The following ATG7 variants were observed in gnomAD, a reference collection of about 807,000 sequenced individuals.
The protein encoded by ATG7 is autophagy related 7.
In ATG7, 70 loss-of-function variants were observed where a neutral mutation model predicts 82.4. The observed-to-expected ratio is 0.85, with a 90% confidence interval of 0.70 to 1.04. ATG7 has a LOEUF of 1.04. Ranked by LOEUF, ATG7 falls within the 50% of genes least tolerant of loss-of-function variation. The pLI is 0.00. For synonymous variants in ATG7, 287 were observed against 313.0 expected, an observed-to-expected ratio of 0.92 and a Z score of 0.88; for missense variants, 792 against 864.3, an observed-to-expected ratio of 0.92 and a Z score of 1.05.
chr3:11,426,988 C>T, intron 20 of ATG7, 62 bp downstream of exon 20: 2 of 1,472,196 alleles, frequency 1.4e-6, no homozygotes, highest in Non-Finnish European at 1.8e-6. Flanking sequence ...TTGATATTCG[C>T]CATATGGAAA....
intron 20 of ATG7, among the ~76,000 whole-genome samples, chr3:11,442,739 CAAAAAAAA>C (rs57073881): frequency 7.0e-3 from 481 of 69,170 alleles, no homozygotes; most frequent in African/African-American, 0.024. Flanking sequence ...TCCATCTCTA[CAAAAAAAA>C]AAAAAAAAAA....
intron 18 of ATG7, among the ~76,000 whole-genome samples, chr3:11,375,313 C>A (rs1219571196): frequency 6.6e-6 from 1 of 152,076 alleles, no homozygotes; most frequent in Non-Finnish European, 1.5e-5. Flanking sequence ...TACAATACAG[C>A]AATTTAAAAA....
intron 19 of ATG7, among the ~76,000 whole-genome samples, chr3:11,388,171 C>T (rs953120771): frequency 2.6e-5 from 4 of 152,190 alleles, no homozygotes; most frequent in Middle Eastern, 3.4e-3. Flanking sequence ...TGACCATCTA[C>T]CTCTGGGGAC....
At chr3:11,272,599 C>T (rs1226022933) in intron 1 of ATG7, 169 bp downstream of exon 1, 1 of 152,402 alleles carries the variant, frequency 6.6e-6, no homozygotes, top group Non-Finnish European at 1.5e-5. Context: ...CTCACTGATT[C>T]CGGCTGGCGC....
intron 18 of ATG7, among the ~76,000 whole-genome samples, chr3:11,365,561 G>C (rs2076546733): frequency 6.6e-6 from 1 of 152,120 alleles, no homozygotes; most frequent in South Asian, 2.1e-4. Context: ...TGTGACTGCT[G>C]TTCCCATCAG....
At chr3:11,451,139 T>C (rs2085078838) in intron 20 of ATG7, among the ~76,000 whole-genome samples, 1 of 152,034 alleles carries the variant, frequency 6.6e-6, no homozygotes. Flanking sequence ...TTTGGAATCT[T>C]TACCAAGGAG....
chr3:11,282,775 C>T (rs1370885029), intron 3 of ATG7, among the ~76,000 whole-genome samples: 1 of 152,168 alleles, frequency 6.6e-6, no homozygotes, highest in African/African-American at 2.4e-5. Context: ...CAGATTGTTT[C>T]TGAAACTCAT....
chr3:11,540,562 G>C lies in ATG7; in HGVS notation c.2080-14249G>C, dbSNP rs141155261. 2.0e-4 allele frequency among the ~76,000 whole-genome samples: 31 copies of C among 152,034 alleles called. 1 individual carries two copies. Among genetic ancestry groups the C allele is most frequent in the African/African-American group, 7.2e-4 (30 of 41,480 alleles). On this transcript the variant is annotated intron_variant, in intron 20 of 20. Transcript: ENST00000693202. ...AGGCTGAGGTGGGAGGATCCCTTGA[G>C]ACCAAGAGGTGAAGGCTGCAGTGAG...
chr3:11,306,977 A>G lies in ATG7; in HGVS notation c.250A>G (p.Ile84Val), dbSNP rs374142073. ...APTPARCCPA[I>V]GTLYNTNTLE... ...CACCCCAGCCCGTTGCTGCCCAGCT[A>G]TTGGAACACTGTATAACACCAACAC... Residue 84 changes from isoleucine (I) to valine (V), a missense_variant, in exon 6 of 21, where the codon ATT (isoleucine) becomes GTT (valine). Transcript: ENST00000693202. 1.9e-5 allele frequency: 30 copies of G among 1,613,838 alleles called. No individual in the cohort carries two copies. The highest frequency in any genetic ancestry group is 2.7e-5 in the African/African-American group (2 of 74,852).
chr3:11,514,894 GC>G (rs1182458967), intron 20 of ATG7, among the ~76,000 whole-genome samples: 1 of 149,486 alleles, frequency 6.7e-6, no homozygotes, highest in African/African-American at 2.5e-5. Flanking sequence ...AGGCTGGAGT[GC>G]AGTGGCATGA....
chr3:11,373,468 A>G (rs1440369376), intron 18 of ATG7, among the ~76,000 whole-genome samples: 1 of 152,218 alleles, frequency 6.6e-6, no homozygotes, highest in Non-Finnish European at 1.5e-5. Context: ...TGCTTGCCTG[A>G]TGGGAACCAC....
chr3:11,346,936 C>T (rs984983115), intron 13 of ATG7, among the ~76,000 whole-genome samples: 1 of 152,188 alleles, frequency 6.6e-6, no homozygotes, highest in Non-Finnish European at 1.5e-5. Context: ...ATCTCTGAAA[C>T]CTTCAATCTA....
Position 11,342,132 on chromosome 3 carries a change from T to A in ATG7, c.981-3T>A. On this transcript the variant is annotated splice_region_variant and splice_polypyrimidine_tract_variant and intron_variant, in intron 12 of 20. Transcript: ENST00000693202. The stretch of plus-strand genomic sequence containing the variant: ...CTGAATAAGTAAATCTCTCCTTTTC[T>A]AGGTTAGCTGAGTCATCAGTGGATC... 1 of 1,610,076 alleles carries A rather than the reference T, an allele frequency of 6.2e-7. No homozygotes were observed. The highest frequency in any genetic ancestry group is 8.5e-7 in the Non-Finnish European group (1 of 1,179,066).
intron 12 of ATG7, among the ~76,000 whole-genome samples, chr3:11,341,161 A>C (rs1262150152): frequency 6.6e-6 from 1 of 150,570 alleles, no homozygotes; most frequent in East Asian, 2.0e-4. Context: ...TCCTGGGTTC[A>C]AGTGATTCTC....
At chr3:11,516,348 TAAAA>T (rs879878981) in intron 20 of ATG7, among the ~76,000 whole-genome samples, 2 of 145,654 alleles carry the variant, frequency 1.4e-5, no homozygotes, top group African/African-American at 2.5e-5. Flanking sequence ...ATAATAAAAT[TAAAA>T]AAAAAAAGAT....
intron 18 of ATG7, 52 bp downstream of exon 18, chr3:11,364,786 T>C (rs1490340861): frequency 1.3e-6 from 2 of 1,589,768 alleles, no homozygotes; most frequent in Non-Finnish European, 1.7e-6. Flanking sequence ...GGGGAAAGCA[T>C]GTGGGGTCTC....
intron 13 of ATG7, among the ~76,000 whole-genome samples, chr3:11,345,185 C>G (rs927827542): frequency 1.2e-4 from 18 of 151,942 alleles, no homozygotes; most frequent in African/African-American, 2.2e-4. Flanking sequence ...GCGGGCGGAT[C>G]ATGAGGTCAG....
chr3:11,321,252 GA>G (rs1950179721), intron 9 of ATG7, among the ~76,000 whole-genome samples: 1 of 152,192 alleles, frequency 6.6e-6, no homozygotes, highest in African/African-American at 2.4e-5. Flanking sequence ...TTAAGGTCAG[GA>G]GGTGAATGAG....
At chr3:11,512,369 C>G (rs955786042) in intron 20 of ATG7, among the ~76,000 whole-genome samples, 1 of 152,220 alleles carries the variant, frequency 6.6e-6, no homozygotes, top group East Asian at 1.9e-4. Flanking sequence ...GGTGCTGCAG[C>G]TTGGCCAAGG....
Sources: allele counts gnomAD v4.1 joint callset (sites outside exome capture counted in the v4.1 genomes callset), GRCh38; gene constraint gnomAD v4.1.1; transcripts MANE v1.5; gene names NCBI Gene and HGNC (gene_info 2026-07-23, HGNC 2026-07-21).